The following QTGAL variants were observed in gnomAD, a reference collection of about 807,000 sequenced individuals.
QTGAL encodes the protein BGnT-like protein 1.
the QTGAL span, among the ~76,000 whole-genome samples, chr17:82,993,535 C>A: frequency 6.6e-6 from 1 of 152,020 alleles, no homozygotes; most frequent in East Asian, 1.9e-4. Context: ...GAGACTTCAA[C>A]ACCCTCTTCA....
At chr17:83,018,602 G>A in the QTGAL span, among the ~76,000 whole-genome samples, 1 of 152,280 alleles carries the variant, frequency 6.6e-6, no homozygotes, top group Admixed American at 6.5e-5. Flanking sequence ...TACATGTCAG[G>A]GTTAAAATTG....
At chr17:83,009,201 A>T in the QTGAL span, among the ~76,000 whole-genome samples, 2 of 152,192 alleles carry the variant, frequency 1.3e-5, no homozygotes, top group South Asian at 2.1e-4. Flanking sequence ...AGGCGGGTGG[A>T]TCACGAGGTC....
chr17:82,968,512 C>A, the QTGAL span, among the ~76,000 whole-genome samples: 8 of 149,302 alleles, frequency 5.4e-5, no homozygotes, highest in East Asian at 2.0e-4. Flanking sequence ...GGAGGCCAGT[C>A]ACCAGTGTGC....
chr17:82,972,200 T>TGG, the QTGAL span, among the ~76,000 whole-genome samples: 1 of 24,380 alleles, frequency 4.1e-5, no homozygotes, highest in Non-Finnish European at 7.3e-5. Flanking sequence ...CACCACACCA[T>TGG]GGGCCAGAAG....
chr17:82,954,113 T>A, the QTGAL span, among the ~76,000 whole-genome samples: 9 of 152,152 alleles, frequency 5.9e-5, no homozygotes, highest in African/African-American at 2.2e-4. Context: ...TCACCACTCC[T>A]ATTCAACATA....
At chr17:82,972,316 CAG>C in the QTGAL span, among the ~76,000 whole-genome samples, 7 of 137,550 alleles carry the variant, frequency 5.1e-5, no homozygotes, top group South Asian at 7.4e-4. Context: ...CACCACACCA[CAG>C]GGGCCAGAAG....
chr17:83,029,808 C>T, the QTGAL span, among the ~76,000 whole-genome samples: 1 of 152,214 alleles, frequency 6.6e-6, no homozygotes, highest in Non-Finnish European at 1.5e-5. Flanking sequence ...CAGCACCGCT[C>T]GTGGCCCTCT....
the QTGAL span, among the ~76,000 whole-genome samples, chr17:83,050,263 G>T: frequency 6.6e-6 from 1 of 152,080 alleles, no homozygotes; most frequent in African/African-American, 2.4e-5. Flanking sequence ...CCAGCTACTC[G>T]GGAGGCTGAG....
chr17:83,043,645 A>T, the QTGAL span, among the ~76,000 whole-genome samples: 2 of 152,016 alleles, frequency 1.3e-5, no homozygotes, highest in African/African-American at 2.4e-5. Context: ...AGCTAGCAGA[A>T]GGAAGGAAAC....
the QTGAL span, chr17:82,942,284 T>C: frequency 1.1e-6 from 1 of 937,340 alleles, no homozygotes; most frequent in Non-Finnish European, 1.6e-6. Flanking sequence ...TGAGCACCTG[T>C]CAGCCACATA....
chr17:82,944,483 A>G, the QTGAL span: 1 of 152,278 alleles, frequency 6.6e-6, no homozygotes, highest in African/African-American at 2.4e-5. Context: ...AGTGCTATGA[A>G]CAAAGATAAA....
At chr17:83,001,494 A>G in the QTGAL span, among the ~76,000 whole-genome samples, 6 of 152,184 alleles carry the variant, frequency 3.9e-5, no homozygotes, top group African/African-American at 1.2e-4. Context: ...AGAAAGTCCC[A>G]GGAAGGAACA....
chr17:82,996,595 G>A, the QTGAL span, among the ~76,000 whole-genome samples: 76,937 of 151,198 alleles, frequency 0.51, 20,907 homozygotes, highest in African/African-American at 0.72. Context: ...AATAGCCCCA[G>A]CTATCCTAAG....
At chr17:83,048,817 T>A in the QTGAL span, 1 of 1,576,272 alleles carries the variant, frequency 6.3e-7, no homozygotes, top group Non-Finnish European at 8.7e-7. Flanking sequence ...TTAACAGAAG[T>A]GTGAAAACTT....
At chr17:83,028,515 T>C in the QTGAL span, among the ~76,000 whole-genome samples, 2 of 119,648 alleles carry the variant, frequency 1.7e-5, no homozygotes. Flanking sequence ...ACAGCGAGAC[T>C]CCATCTCAAA....
chr17:83,028,255 T>C, the QTGAL span, among the ~76,000 whole-genome samples: 1 of 150,674 alleles, frequency 6.6e-6, no homozygotes, highest in African/African-American at 2.4e-5. Flanking sequence ...CCGGGCGCGG[T>C]GGCTCACACC....
chr17:82,968,965 C>G, the QTGAL span, among the ~76,000 whole-genome samples: 1 of 152,140 alleles, frequency 6.6e-6, no homozygotes, highest in Non-Finnish European at 1.5e-5. Flanking sequence ...GAAACCCCAT[C>G]TCTACTGAAA....
At chr17:83,017,775 T>C in the QTGAL span, among the ~76,000 whole-genome samples, 1 of 152,006 alleles carries the variant, frequency 6.6e-6, no homozygotes, top group South Asian at 2.1e-4. Context: ...ATGGTGCGCC[T>C]GTATCAGGTA....
At chr17:83,003,437 G>A in the QTGAL span, among the ~76,000 whole-genome samples, 1 of 16,430 alleles carries the variant, frequency 6.1e-5, no homozygotes. Flanking sequence ...CGCAGTCCGC[G>A]TGTGGGATTC....
Sources: gnomAD v4.1 joint callset for allele counts (sites outside exome capture counted in the v4.1 genomes callset) on GRCh38, gnomAD v4.1.1 for gene constraint, MANE v1.5 for transcripts, NCBI Gene and HGNC (gene_info 2026-07-23, HGNC 2026-07-21) for gene names.